DISC1: variants seen among roughly 807,000 people sequenced by gnomAD.
DISC1 encodes disrupted in schizophrenia 1 protein.
In DISC1, 57 loss-of-function variants were observed where a neutral mutation model predicts 84.5. The observed-to-expected ratio is 0.67, with a 90% CI of 0.55 to 0.84. The LOEUF (loss-of-function observed/expected upper bound fraction) is 0.84. Ranked by LOEUF, DISC1 falls within the 40% of genes least tolerant of loss-of-function variation. The pLI is 0.00. For synonymous variants in DISC1, 411 were observed against 415.2 expected (o/e 0.99, Z 0.12); for missense variants, 1,000 against 1,057.8 (o/e 0.95, Z 0.76).
At chr1:231,887,427 G>A (rs954474368) in intron 9 of DISC1, among the ~76,000 whole-genome samples, 1 of 152,206 alleles carries the variant, frequency 6.6e-6, no homozygotes, top group African/African-American at 2.4e-5. Context: ...GTGGAAGGAT[G>A]AACATAAGGT....
At chr1:231,741,094 G>A (rs1344965242) in intron 3 of DISC1, among the ~76,000 whole-genome samples, 2 of 152,234 alleles carry the variant, frequency 1.3e-5, no homozygotes, top group Non-Finnish European at 2.9e-5. Context: ...AACCATGGAA[G>A]GAGTGAGAGA....
At chr1:231,823,399 A>G (rs991256217) in intron 9 of DISC1, among the ~76,000 whole-genome samples, 38 of 152,332 alleles carry the variant, frequency 2.5e-4, no homozygotes, top group Admixed American at 7.2e-4. Flanking sequence ...GAAAATGCCA[A>G]TGTCAAGTGT....
intron 10 of DISC1, among the ~76,000 whole-genome samples, chr1:231,996,209 T>G (rs1165752877): frequency 6.6e-6 from 1 of 152,192 alleles, no homozygotes; most frequent in East Asian, 1.9e-4. Flanking sequence ...TCTTGTAAAT[T>G]TGTTTGTGTT....
chr1:231,705,941 C>CTCTT (rs1336681279), intron 3 of DISC1, among the ~76,000 whole-genome samples: 4 of 152,042 alleles, frequency 2.6e-5, no homozygotes, highest in African/African-American at 4.8e-5. Flanking sequence ...TTTTCTTTTG[C>CTCTT]TCTTTCTTTC....
intron 6 of DISC1, among the ~76,000 whole-genome samples, chr1:231,783,118 A>G (rs918176989): frequency 6.6e-6 from 1 of 152,160 alleles, no homozygotes; most frequent in African/African-American, 2.4e-5. Flanking sequence ...GCCTGGATGT[A>G]GTATCATTTT....
intron 1 of DISC1, among the ~76,000 whole-genome samples, chr1:231,640,692 CTATTTT>C (rs201224948): frequency 0.025 from 3,827 of 152,092 alleles, 69 homozygotes; most frequent in Non-Finnish European, 0.039. Context: ...CAATGCCTGG[CTATTTT>C]TATTTTTATT....
intron 10 of DISC1, among the ~76,000 whole-genome samples, chr1:231,971,661 G>C (rs1173510749): frequency 6.6e-6 from 1 of 152,184 alleles, no homozygotes; most frequent in Admixed American, 6.5e-5. Context: ...ATATCTGGAT[G>C]CTGACACCAG....
chr1:231,732,701 T>C (rs12070482), intron 3 of DISC1, among the ~76,000 whole-genome samples: 147,258 of 152,302 alleles, frequency 0.97, 71,368 homozygotes, highest in East Asian at 1. Context: ...AAGGAATGTT[T>C]CTCTTTCTCC....
Position 231,694,708 on chromosome 1 carries a change from G to A in DISC1, c.950G>A (p.Ser317Asn), listed in dbSNP as rs763667017. The A allele has an allele frequency of 9.3e-6, 15 of 1,614,088 alleles. No homozygotes were observed. Among genetic ancestry groups the A allele is most frequent in the African/African-American group, 5.3e-5 (4 of 74,962 alleles). Residue 317 changes from serine to asparagine, a missense_variant, in exon 2 of 13, where the codon AGC (serine) becomes AAC (asparagine). Coordinates refer to ENST00000439617, the MANE Select transcript of DISC1 (RefSeq NM_018662.3). ...CTGGCTGGCTGTGGTGGTGATGGGA[G>A]CAGCGGCTCAGGGGATGCCCACTCT... is the stretch of plus-strand genomic sequence containing the variant. ...PSLAGCGGDG[S>N]SGSGDAHSWD...
chr1:231,767,198 A>G lies in DISC1; in HGVS notation c.1327A>G (p.Thr443Ala), dbSNP rs752206990. The change falls in exon 5 of 13, where the codon ACT becomes GCT. Residue 443 changes from threonine (T) to alanine (A), a missense_variant. Thr to Ala is a moderately conservative substitution (Grantham distance 58, BLOSUM62 0). This residue lies in a region of DISC1 where 311 missense variants were observed against 400.1 expected (regional missense o/e 0.78). Coordinates refer to ENST00000439617, the MANE Select transcript of DISC1 (RefSeq NM_018662.3). Reference sequence around the variant, plus strand: ...AATGGAGCCGAGGCTGTTGGAACCCACTGCTCAGGACAGCTTGCACGTGTC... The same window carrying G: ...AATGGAGCCGAGGCTGTTGGAACCCGCTGCTCAGGACAGCTTGCACGTGTC... ...LRMEPRLLEP[T>A]AQDSLHVSIT... 1.2e-6 allele frequency: 2 copies of G among 1,614,228 alleles called. No individual in the cohort carries two copies. The highest frequency in any genetic ancestry group is 1.1e-5 in the South Asian group (1 of 91,088).
At chr1:231,984,120 AC>A (rs1664062531) in intron 10 of DISC1, among the ~76,000 whole-genome samples, 1 of 152,240 alleles carries the variant, frequency 6.6e-6, no homozygotes, top group Non-Finnish European at 1.5e-5. Context: ...CTTTGAACAG[AC>A]AGATAAATGT....
At chr1:231,659,706 T>C (rs2061417973) in intron 1 of DISC1, among the ~76,000 whole-genome samples, 1 of 152,246 alleles carries the variant, frequency 6.6e-6, no homozygotes, top group Non-Finnish European at 1.5e-5. Context: ...AAAGTACTTA[T>C]TGATTTCTGC....
At chr1:232,027,226 G>A (rs201687456) in intron 12 of DISC1, among the ~76,000 whole-genome samples, 10 of 152,144 alleles carry the variant, frequency 6.6e-5, no homozygotes, top group Admixed American at 2.6e-4. Context: ...AATACCAAGC[G>A]TCCTAAATCC....
At chr1:231,851,315 C>T (rs770176075) in intron 9 of DISC1, among the ~76,000 whole-genome samples, 66 of 152,106 alleles carry the variant, frequency 4.3e-4, no homozygotes, top group Non-Finnish European at 8.1e-4. Context: ...GGTAATTCGC[C>T]GCCTTTCTCT....
chr1:231,711,244 A>G (rs990374676), intron 3 of DISC1, among the ~76,000 whole-genome samples: 10 of 152,258 alleles, frequency 6.6e-5, no homozygotes, highest in African/African-American at 2.4e-4. Context: ...ACCAAGGAGT[A>G]TACAGCCTAG....
intron 8 of DISC1, among the ~76,000 whole-genome samples, chr1:231,800,827 G>A (rs1209874426): frequency 6.6e-6 from 1 of 151,896 alleles, no homozygotes; most frequent in Non-Finnish European, 1.5e-5. Flanking sequence ...TGATGGGGAG[G>A]TTGAGGCTGC....
chr1:231,626,798 C>T lies in DISC1; in HGVS notation c.-70C>T. 1 of 1,212,616 alleles carries T rather than the reference C, an allele frequency of 8.2e-7. No homozygotes were observed. Among genetic ancestry groups the T allele is most frequent in the South Asian group, 1.8e-5 (1 of 56,082 alleles). 75.1% of individuals were successfully genotyped at this position (1,212,616 alleles called of 1,614,324 possible). ...CCGTCCAGCGCGCTGCTCCCTTCCC[C>T]CCGCCTCTGGCCTCGGGGAAGGAGC... On this transcript the variant is annotated 5_prime_UTR_variant, in exon 1 of 13. Transcript: ENST00000439617.
chr1:231,881,684 C>A (rs1193559544), intron 9 of DISC1, among the ~76,000 whole-genome samples: 1 of 152,180 alleles, frequency 6.6e-6, no homozygotes, highest in Non-Finnish European at 1.5e-5. Flanking sequence ...TCTTCCTTCA[C>A]CATGCACTGG....
At chr1:231,750,209 G>T in intron 4 of DISC1, 133 bp downstream of exon 4, 1 of 1,453,912 alleles carries the variant, frequency 6.9e-7, no homozygotes, top group Non-Finnish European at 9.1e-7. Flanking sequence ...CCCTTTGTTG[G>T]TTGGGAAGGT....
Sources: gnomAD v4.1 joint callset for allele counts (sites outside exome capture counted in the v4.1 genomes callset) on GRCh38, gnomAD v4.1.1 for gene constraint, gnomAD v4.1.1 regional missense constraint, MANE v1.5 for transcripts, NCBI Gene and HGNC (gene_info 2026-07-23, HGNC 2026-07-21) for gene names.